The following FNDC7 variants were observed in gnomAD, a reference collection of about 807,000 sequenced individuals.
The protein encoded by FNDC7 is fibronectin type III domain-containing protein 7.
Under a neutral mutation model 74.2 loss-of-function variants are expected in FNDC7, and 66 were observed. That is an observed-to-expected ratio of 0.89 (90% CI 0.73 to 1.09). FNDC7 has a LOEUF of 1.09. Ranked by LOEUF, FNDC7 falls within the 50% of genes least tolerant of loss-of-function variation. The probability of loss-of-function intolerance (pLI) is 0.00; values close to 1 mark genes in which losing one functional copy is unlikely to be tolerated. For missense variants in FNDC7, 829 were observed against 893.4 expected, an observed-to-expected ratio of 0.93 and a Z score of 0.92; for synonymous variants, 307 against 330.2, an observed-to-expected ratio of 0.93 and a Z score of 0.76.
intron 11 of FNDC7, among the ~76,000 whole-genome samples, chr1:108,738,242 G>A (rs1480555766): frequency 2.0e-5 from 3 of 152,170 alleles, no homozygotes; most frequent in African/African-American, 4.8e-5. Context: ...GGTATACCCC[G>A]TGGAGAGAGA....
Position 108,718,971 on chromosome 1 carries a change from A to G in FNDC7, c.520A>G (p.Thr174Ala), listed in dbSNP as rs770869797. ...SLTFTSLEAG[T>A]LYTIKAYAWN... ...GACATTCACCAGTTTAGAAGCCGGAACTCTCTACACCATAAAGGCCTATGC... is the reference window on the plus strand; with the variant it reads ...GACATTCACCAGTTTAGAAGCCGGAGCTCTCTACACCATAAAGGCCTATGC... Residue 174 changes from threonine (T) to alanine (A), a missense_variant, in exon 4 of 13, where the codon ACT (threonine) becomes GCT (alanine). By Grantham distance (58) the Thr-to-Ala change is moderately conservative. Transcript: ENST00000370017. 24 of 1,551,908 alleles carry G rather than the reference A, an allele frequency of 1.5e-5. No homozygotes were observed. Among genetic ancestry groups the G allele is most frequent in the Non-Finnish European group, 2.0e-5 (23 of 1,147,040 alleles).
In FNDC7 at chr1:108,717,966, T is replaced by C. The variant is rs1204039075; in HGVS notation, c.272T>C (p.Ile91Thr). 6.4e-7 allele frequency: 1 copy of C among 1,551,686 alleles called. No homozygotes were observed. The change falls in exon 3 of 13, where the codon ATC (isoleucine) becomes ACC (threonine). Residue 91 changes from isoleucine to threonine, a missense_variant. Physicochemically the swap from Ile to Thr is moderately conservative, Grantham distance 89. Coordinates refer to ENST00000370017, the MANE Select transcript of FNDC7 (RefSeq NM_001144937.3). Reference sequence around the variant, plus strand: ...CTAAAGGCTGCAACCTGGTATGAAATCACCATCAGATCCATCAGCGCTGCT... The same window carrying C: ...CTAAAGGCTGCAACCTGGTATGAAACCACCATCAGATCCATCAGCGCTGCT... ...TGLKAATWYEITIRSISAAGR... is the reference protein window; with the variant it reads ...TGLKAATWYETTIRSISAAGR...
chr1:108,727,471 G>T (rs1168014088), intron 6 of FNDC7, among the ~76,000 whole-genome samples: 1 of 152,140 alleles, frequency 6.6e-6, no homozygotes, highest in Non-Finnish European at 1.5e-5. Context: ...GCAGAAGAGG[G>T]GAATGGCTTT....
At chr1:108,716,319 A>AGGTG (rs1660972587) in intron 2 of FNDC7, among the ~76,000 whole-genome samples, 1 of 51,936 alleles carries the variant, frequency 1.9e-5, no homozygotes, top group Admixed American at 1.8e-4. Context: ...AGCAGAAGAG[A>AGGTG]GGTGTGTGTG....
chr1:108,733,616 G>A, intron 10 of FNDC7, 84 bp downstream of exon 10: 4 of 1,213,996 alleles, frequency 3.3e-6, no homozygotes, highest in Non-Finnish European at 4.7e-6. Flanking sequence ...TATTTACTAT[G>A]TATGAAGGGC....
Position 108,719,653 on chromosome 1 carries a change from C to G in FNDC7, c.598+604C>G, listed in dbSNP as rs372851925. 3.7e-4 allele frequency among the ~76,000 whole-genome samples: 57 copies of G among 152,200 alleles called. No individual in the cohort carries two copies. In the East Asian group the frequency reaches 0.011, roughly 29 times the overall value. ...GAAGCTGAAGCTTGGTGTGCATTTT[C>G]TCACCGTCCCACCTAGAGGTCCCCC... On this transcript the variant is annotated intron_variant, in intron 4 of 12. Transcript: ENST00000370017.
intron 2 of FNDC7, 122 bp downstream of exon 2, chr1:108,713,651 G>A (rs1649079269): frequency 9.7e-6 from 8 of 822,116 alleles, no homozygotes; most frequent in Non-Finnish European, 1.5e-5. Context: ...TATTTTCTGA[G>A]CACTCACACT....
intron 11 of FNDC7, among the ~76,000 whole-genome samples, chr1:108,738,618 C>G (rs1238386316): frequency 8.0e-6 from 1 of 125,078 alleles, no homozygotes; most frequent in African/African-American, 3.0e-5. Context: ...TGCCCGTAAA[C>G]CCCACTGGAC....
intron 11 of FNDC7, 92 bp from the exon 12 acceptor site, chr1:108,741,681 A>C: frequency 7.7e-7 from 1 of 1,299,894 alleles, no homozygotes; most frequent in Non-Finnish European, 1.1e-6. Context: ...TCAAATCAAC[A>C]TACACATAAA....
chr1:108,733,579 A>G (rs754102993), intron 10 of FNDC7, 47 bp downstream of exon 10: 12 of 1,569,984 alleles, frequency 7.6e-6, no homozygotes, highest in Admixed American at 6.8e-5. Context: ...CTGAACTCAT[A>G]TCTGTGAATT....
rs1463052312 is a variant in FNDC7 at position 108,722,466 on chromosome 1, T to G, written c.730T>G (p.Cys244Gly). Residue 244 changes from cysteine (C) to glycine (G), a missense_variant, in exon 5 of 13, where the codon TGC (cysteine) becomes GGC (glycine). Coordinates refer to ENST00000370017, the MANE Select transcript of FNDC7 (RefSeq NM_001144937.3). ...TTTGAGCGACTCTTCAGAGCTGACCTGCAGTACAACTTTCAGTTCCTGCAC... is the reference window on the plus strand; with the variant it reads ...TTTGAGCGACTCTTCAGAGCTGACCGGCAGTACAACTTTCAGTTCCTGCAC... ...MALSDSSELTCSTTFSSCTIS... is the reference protein window; with the variant it reads ...MALSDSSELTGSTTFSSCTIS... 2.5e-6 allele frequency: 4 copies of G among 1,614,126 alleles called. No individual in the cohort carries two copies. Among genetic ancestry groups the G allele is most frequent in the Non-Finnish European group, 3.4e-6 (4 of 1,180,050 alleles).
intron 10 of FNDC7, 40 bp from the exon 11 acceptor site, chr1:108,737,455 T>G: frequency 6.6e-7 from 1 of 1,512,720 alleles, no homozygotes; most frequent in Non-Finnish European, 9.0e-7. Flanking sequence ...AATACATAAA[T>G]GAATAGATTT....
intron 5 of FNDC7, among the ~76,000 whole-genome samples, chr1:108,724,851 G>A (rs1661172778): frequency 6.6e-6 from 1 of 151,694 alleles, no homozygotes; most frequent in South Asian, 2.1e-4. Context: ...GAGGCTGAGA[G>A]GGGAGGATCA....
intron 1 of FNDC7, 31 bp downstream of exon 1, chr1:108,713,027 ATTTAGGGG>A: frequency 6.6e-7 from 1 of 1,525,400 alleles, no homozygotes; most frequent in Non-Finnish European, 8.9e-7. Flanking sequence ...ACCCACAACT[ATTTAGGGG>A]AAAAAAGAAA....
At chr1:108,730,456 G>A (rs1661317877) in intron 8 of FNDC7, among the ~76,000 whole-genome samples, 1 of 151,888 alleles carries the variant, frequency 6.6e-6, no homozygotes, top group African/African-American at 2.4e-5. Flanking sequence ...CAGCCAGTTG[G>A]TGCAGTGCAT....
chr1:108,729,737 C>T (rs549177342), intron 8 of FNDC7, among the ~76,000 whole-genome samples: 1 of 152,208 alleles, frequency 6.6e-6, no homozygotes, highest in African/African-American at 2.4e-5. Flanking sequence ...ATGAATGAAA[C>T]GTGGCAAATC....
intron 11 of FNDC7, among the ~76,000 whole-genome samples, chr1:108,741,125 A>C (rs1661633716): frequency 1.3e-5 from 2 of 152,190 alleles, no homozygotes; most frequent in African/African-American, 4.8e-5. Flanking sequence ...AGTGCTTCTG[A>C]TGGATGCTAA....
At chr1:108,732,925 C>A (rs1468958946) in intron 9 of FNDC7, among the ~76,000 whole-genome samples, 1 of 151,420 alleles carries the variant, frequency 6.6e-6, no homozygotes, top group Non-Finnish European at 1.5e-5. Flanking sequence ...TGCACCACCA[C>A]AACTGGCTAA....
In FNDC7 at chr1:108,728,798, G is replaced by T; in HGVS notation, c.1536G>T (p.Leu512Phe). 3 of 1,614,258 alleles carry T rather than the reference G, an allele frequency of 1.9e-6. No individual in the cohort carries two copies. Among genetic ancestry groups the T allele is most frequent in the Non-Finnish European group, 2.5e-6 (3 of 1,180,044 alleles). The change falls in exon 8 of 13, where the codon TTG becomes TTT. Residue 512 changes from leucine (L) to phenylalanine (F), a missense_variant. By Grantham distance (22) the Leu-to-Phe change is conservative. Coordinates refer to ENST00000370017, the MANE Select transcript of FNDC7 (RefSeq NM_001144937.3). ...STGESCTMRG[L>F]PCGSVFSVTA... ...GAGAGTCCTGCACCATGCGGGGCTTGCCCTGTGGCTCAGTGTTCTCTGTCA... is the reference window on the plus strand; with the variant it reads ...GAGAGTCCTGCACCATGCGGGGCTTTCCCTGTGGCTCAGTGTTCTCTGTCA...
Sources: gnomAD v4.1 joint callset for allele counts (sites outside exome capture counted in the v4.1 genomes callset) on GRCh38, gnomAD v4.1.1 for gene constraint, MANE v1.5 for transcripts, NCBI Gene and HGNC (gene_info 2026-07-23, HGNC 2026-07-21) for gene names.